Variants in MAF observed in about 807,000 individuals in gnomAD.
MAF encodes MAF bZIP transcription factor, also known as transcription factor Maf.
Under a neutral mutation model 22.0 loss-of-function variants are expected in MAF, and 10 were observed. That is an observed-to-expected ratio of 0.45 (90% CI 0.28 to 0.77). MAF has a LOEUF of 0.77. Ranked by LOEUF, MAF falls within the 30% of genes least tolerant of loss-of-function variation. The probability of loss-of-function intolerance (pLI) is 0.12; values close to 1 mark genes in which losing one functional copy is unlikely to be tolerated. For missense variants in MAF, 544 were observed against 548.4 expected, an observed-to-expected ratio of 0.99 and a Z score of 0.08; for synonymous variants, 337 against 255.8, an observed-to-expected ratio of 1.32 and a Z score of -3.03.
chr16:79,343,247 C>CAAA, the MAF span, among the ~76,000 whole-genome samples: 1 of 144,484 alleles, frequency 6.9e-6, no homozygotes, highest in African/African-American at 2.5e-5. Flanking sequence ...AACCCCCCCC[C>CAAA]AAAAAAATCT....
chr16:79,354,221 G>A, the MAF span, among the ~76,000 whole-genome samples: 1 of 151,868 alleles, frequency 6.6e-6, no homozygotes. Flanking sequence ...TCAAAGTCCT[G>A]GCTCAAGTGA....
At chr16:79,207,733 G>A in the MAF span, among the ~76,000 whole-genome samples, 1 of 152,040 alleles carries the variant, frequency 6.6e-6, no homozygotes, top group Non-Finnish European at 1.5e-5. Flanking sequence ...ATGTGTCCCT[G>A]TGAGTATTAT....
chr16:79,456,070 T>C, the MAF span, among the ~76,000 whole-genome samples: 2 of 152,130 alleles, frequency 1.3e-5, no homozygotes, highest in African/African-American at 4.8e-5. Context: ...GGACATTCCT[T>C]TGGTGAATGA....
chr16:79,549,659 C>T, the MAF span, among the ~76,000 whole-genome samples: 2 of 152,180 alleles, frequency 1.3e-5, no homozygotes, highest in African/African-American at 2.4e-5. Flanking sequence ...CCCGTTGGTT[C>T]CATTTTGTCT....
chr16:79,530,712 T>C, the MAF span, among the ~76,000 whole-genome samples: 2 of 152,222 alleles, frequency 1.3e-5, no homozygotes, highest in Non-Finnish European at 2.9e-5. Flanking sequence ...TATTGTGAAC[T>C]TTCTCTAATG....
chr16:79,480,310 G>T, the MAF span, among the ~76,000 whole-genome samples: 1 of 144,988 alleles, frequency 6.9e-6, no homozygotes, highest in Non-Finnish European at 1.5e-5. Context: ...AGAATTCTCA[G>T]CTGAGTTGAA....
At chr16:79,319,761 G>A in the MAF span, among the ~76,000 whole-genome samples, 1 of 152,232 alleles carries the variant, frequency 6.6e-6, no homozygotes, top group Non-Finnish European at 1.5e-5. Flanking sequence ...AAGTGGCAGG[G>A]TGATTCTCTG....
At chr16:79,210,669 A>T in the MAF span, among the ~76,000 whole-genome samples, 1 of 152,120 alleles carries the variant, frequency 6.6e-6, no homozygotes, top group African/African-American at 2.4e-5. Flanking sequence ...TAAATTAGAG[A>T]CGTGCCGACC....
At chr16:79,330,866 C>A in the MAF span, among the ~76,000 whole-genome samples, 1 of 152,206 alleles carries the variant, frequency 6.6e-6, no homozygotes, top group East Asian at 1.9e-4. Context: ...AAAAGTTAAA[C>A]CTGGCCAGGC....
the MAF span, among the ~76,000 whole-genome samples, chr16:79,336,725 T>C: frequency 8.5e-5 from 13 of 152,224 alleles, no homozygotes; most frequent in African/African-American, 2.9e-4. Flanking sequence ...GTTTCATGAC[T>C]TTTTACTTGG....
the MAF span, among the ~76,000 whole-genome samples, chr16:79,402,657 C>T: frequency 1.1e-4 from 17 of 152,304 alleles, no homozygotes; most frequent in African/African-American, 2.2e-4. Context: ...GCCAGGGGTG[C>T]GGTTGGATAA....
the MAF span, among the ~76,000 whole-genome samples, chr16:79,250,813 T>TA: frequency 3.3e-5 from 5 of 152,164 alleles, no homozygotes; most frequent in African/African-American, 1.2e-4. Flanking sequence ...CTGGCTTTAC[T>TA]AGGGGGATCA....
the MAF span, among the ~76,000 whole-genome samples, chr16:79,376,671 T>G: frequency 6.6e-6 from 1 of 152,170 alleles, no homozygotes; most frequent in Non-Finnish European, 1.5e-5. Flanking sequence ...ATGCTATCCC[T>G]CTCTCCTCCC....
At chr16:79,580,481 T>C in the MAF span, among the ~76,000 whole-genome samples, 1 of 152,190 alleles carries the variant, frequency 6.6e-6, no homozygotes, top group Non-Finnish European at 1.5e-5. Context: ...GAAGTTCTGA[T>C]TCTGTGGTTC....
At chr16:79,319,957 G>C in the MAF span, among the ~76,000 whole-genome samples, 1 of 152,186 alleles carries the variant, frequency 6.6e-6, no homozygotes, top group Non-Finnish European at 1.5e-5. Context: ...ACTTTGAGAA[G>C]ATATTTAAAA....
chr16:79,599,475 C>G lies in MAF; in HGVS notation c.428G>C (p.Gly143Ala), dbSNP rs1913854615. ...GCCCAAGGAGGCGCCGGCACCGGCC[C>G]CGGCCGCCGCGGCCAGCTGCTGCGC... ...RGAQQLAAAA[G>A]AGAGASLGGS... The change falls in exon 1 of 2, where the codon GGG becomes GCG. Residue 143 changes from glycine (G) to alanine (A), a missense_variant. Physicochemically the swap from Gly to Ala is moderately conservative, Grantham distance 60 (BLOSUM62 0). Transcript: ENST00000326043. 3.6e-6 allele frequency: 5 copies of G among 1,392,420 alleles called. No individual in the cohort carries two copies. The highest frequency in any genetic ancestry group is 1.8e-6 in the Non-Finnish European group (2 of 1,083,150). The allele number at this position is 1,392,420 out of a possible 1,614,324, so 86.3% of individuals were successfully genotyped here. A position where few individuals can be genotyped will look rare whatever the true frequency, so the allele number is the denominator to read the frequency against.
chr16:79,252,105 T>G, the MAF span, among the ~76,000 whole-genome samples: 11 of 152,378 alleles, frequency 7.2e-5, no homozygotes, highest in South Asian at 2.3e-3. Flanking sequence ...TTGGTCAATG[T>G]GATAACTCTG....
chr16:79,413,523 G>A, the MAF span, among the ~76,000 whole-genome samples: 263 of 151,086 alleles, frequency 1.7e-3, no homozygotes, highest in Middle Eastern at 3.5e-3. Context: ...GTGAGCCACC[G>A]CGCCCGGCCG....
the MAF span, among the ~76,000 whole-genome samples, chr16:79,527,021 C>T: frequency 6.6e-6 from 1 of 152,156 alleles, no homozygotes; most frequent in African/African-American, 2.4e-5. Flanking sequence ...GAAAATTTGA[C>T]AGGGGCCTCT....
Sources: allele counts gnomAD v4.1 joint callset (sites outside exome capture counted in the v4.1 genomes callset), GRCh38; gene constraint gnomAD v4.1.1; transcripts MANE v1.5; gene names NCBI Gene and HGNC (gene_info 2026-07-23, HGNC 2026-07-21).